The following PEDS1 variants were observed in gnomAD, a reference collection of about 807,000 sequenced individuals.
PEDS1 encodes CarF homolog.
Under a neutral mutation model 35.2 loss-of-function variants are expected in PEDS1, and 14 were observed. That is an observed-to-expected ratio of 0.40 (90% CI 0.26 to 0.62). The LOEUF (loss-of-function observed/expected upper bound fraction) is 0.62. Among genes scored for constraint, PEDS1 ranks in the 20% least tolerant of loss-of-function variants. The pLI is 0.44. For synonymous variants in PEDS1, 152 were observed against 152.0 expected (o/e 1.00, Z 0.00); for missense variants, 260 against 367.8 (o/e 0.71, Z 2.40).
chr20:50,152,461 G>A (rs541697541), intron 1 of PEDS1, among the ~76,000 whole-genome samples: 4 of 152,328 alleles, frequency 2.6e-5, no homozygotes, highest in South Asian at 2.1e-4. Flanking sequence ...TGAACCAGGA[G>A]TTCTCAAAGG....
In PEDS1 at chr20:50,125,125, A is replaced by C; in HGVS notation, c.746T>G (p.Leu249Arg). 1 of 1,614,160 alleles carries C rather than the reference A, an allele frequency of 6.2e-7. No individual in the cohort carries two copies. Among genetic ancestry groups the C allele is most frequent in the Non-Finnish European group, 8.5e-7 (1 of 1,179,996 alleles). ...CTTCTCGCCCGTCAGGCCCTGGATG[A>C]GGTCCTCCAGGCGTCGCCAGAAGCC... Reference protein sequence around the residue: ...KIGFWRRLEDLIQGLTGEKPR... With the variant: ...KIGFWRRLEDRIQGLTGEKPR... The change falls in exon 6 of 6, where the codon CTC becomes CGC. Residue 249 changes from leucine (L) to arginine (R), a missense_variant. Leu to Arg is a moderately radical substitution (Grantham distance 102, BLOSUM62 -2). This residue lies in a region of PEDS1 where 83 missense variants were observed against 142.8 expected (regional missense o/e 0.58). Coordinates refer to ENST00000371652, the MANE Select transcript of PEDS1 (RefSeq NM_199129.4).
intron 2 of PEDS1, among the ~76,000 whole-genome samples, chr20:50,137,469 C>T (rs2081248726): frequency 6.6e-6 from 1 of 152,198 alleles, no homozygotes; most frequent in South Asian, 2.1e-4. Flanking sequence ...CACTTCACCT[C>T]TGAACTCTTC....
rs778388369 is a variant in PEDS1, at chr20:50,129,525, A to AC, written c.478+20dup. 2 of 1,613,742 alleles carry AC rather than the reference A, an allele frequency of 1.2e-6. No individual in the cohort carries two copies. Among genetic ancestry groups the AC allele is most frequent in the Non-Finnish European group, 1.7e-6 (2 of 1,179,798 alleles). ...TGCCCCCAAGGCCCCCTCCCAGCCC[A>AC]CCACTAGCTGGGTGTCTCACCAGGG... is the stretch of plus-strand genomic sequence containing the variant. On this transcript the variant is annotated intron_variant, in intron 4 of 5. Transcript: ENST00000371652. This position sits in a 1 kb window ranked among gnomAD's most constrained non-coding sequence, Gnocchi z 4.2.
At chr20:50,151,818 C>T (rs1288875322) in intron 1 of PEDS1, among the ~76,000 whole-genome samples, 2 of 152,126 alleles carry the variant, frequency 1.3e-5, no homozygotes, top group Non-Finnish European at 2.9e-5. Flanking sequence ...GAGATCACGC[C>T]ACTGCACTCC....
At chr20:50,127,040 AAC>A (rs1207922257) in intron 5 of PEDS1, among the ~76,000 whole-genome samples, 1 of 152,082 alleles carries the variant, frequency 6.6e-6, no homozygotes, top group Non-Finnish European at 1.5e-5. Flanking sequence ...CCATTCCGGA[AAC>A]ACACCAAGCA....
chr20:50,142,611 G>GT (rs1438716285), intron 2 of PEDS1, among the ~76,000 whole-genome samples: 1 of 138,868 alleles, frequency 7.2e-6, no homozygotes, highest in Non-Finnish European at 1.5e-5. Context: ...GCTAATTTTT[G>GT]TATTTTTAGT....
chr20:50,145,070 C>T (rs1230869052), intron 1 of PEDS1, among the ~76,000 whole-genome samples: 4 of 151,496 alleles, frequency 2.6e-5, no homozygotes, highest in Middle Eastern at 6.8e-3. Flanking sequence ...AGGCATGTGG[C>T]GGGTACCTGT....
At chr20:50,150,010 T>C (rs901521985) in intron 1 of PEDS1, among the ~76,000 whole-genome samples, 5 of 152,152 alleles carry the variant, frequency 3.3e-5, no homozygotes, top group Admixed American at 2.0e-4. Context: ...CCAAATAGGT[T>C]CAGTCCCTGT....
intron 1 of PEDS1, among the ~76,000 whole-genome samples, chr20:50,150,635 G>A (rs2081392903): frequency 6.6e-6 from 1 of 152,154 alleles, no homozygotes; most frequent in Non-Finnish European, 1.5e-5. Context: ...GGGCACGTGA[G>A]ACAGTTATTT....
At chr20:50,139,853 G>T (rs895278216) in intron 2 of PEDS1, among the ~76,000 whole-genome samples, 1 of 151,820 alleles carries the variant, frequency 6.6e-6, no homozygotes, top group Admixed American at 6.6e-5. Context: ...GCTGATTTTT[G>T]TATTTTTAGT....
intron 3 of PEDS1, among the ~76,000 whole-genome samples, chr20:50,130,215 A>G (rs1176477666): frequency 6.6e-6 from 1 of 152,188 alleles, no homozygotes; most frequent in Non-Finnish European, 1.5e-5. Flanking sequence ...ATCTGGGCCA[A>G]TGGGAGTGAG....
chr20:50,153,649 C>A lies in PEDS1; in HGVS notation c.-12G>T, dbSNP rs2081430433. The stretch of plus-strand genomic sequence containing the variant: ...TCGGCGCCCGCCATGGCCACTCGCC[C>A]GATCGGCCCGGTGCGCTCTGCTGGC... On this transcript the variant is annotated 5_prime_UTR_variant, in exon 1 of 6. Coordinates refer to ENST00000371652, the MANE Select transcript of PEDS1 (RefSeq NM_199129.4). The A allele has an allele frequency of 7.3e-6, 9 of 1,240,904 alleles. 1 individual carries two copies. In the East Asian group the frequency reaches 2.6e-4, roughly 35 times the overall value. The allele number at this position is 1,240,904 out of a possible 1,614,324, so 76.9% of individuals were successfully genotyped here.
intron 1 of PEDS1, among the ~76,000 whole-genome samples, chr20:50,146,546 T>C (rs1229558696): frequency 2.0e-5 from 3 of 152,014 alleles, no homozygotes; most frequent in Non-Finnish European, 4.4e-5. Flanking sequence ...GGTTCCCCAT[T>C]TGTCATGATA....
chr20:50,149,490 A>C (rs1254465328), intron 1 of PEDS1, among the ~76,000 whole-genome samples: 1 of 152,106 alleles, frequency 6.6e-6, no homozygotes, highest in East Asian at 1.9e-4. Flanking sequence ...CAGGCCCTTC[A>C]CAAACCCTGA....
chr20:50,122,755 T>C lies in PEDS1; in HGVS notation c.*2303A>G, dbSNP rs1320495235. The C allele has an allele frequency of 6.6e-6, 1 of 152,184 alleles. No individual in the cohort carries two copies. The highest frequency in any genetic ancestry group is 2.4e-5 in the African/African-American group (1 of 41,440). The allele number at this position is 152,184 out of a possible 1,614,324, so 9.4% of individuals were successfully genotyped here. ...CTACAGAATCGCAGTACCTAGTTCA[T>C]AGGAGATGCCTTATAATTACTTATT... On this transcript the variant is annotated 3_prime_UTR_variant, in exon 6 of 6. Transcript: ENST00000371652.
rs571766326 is a variant in PEDS1, at chr20:50,131,013, T to C, written c.242-66A>G. On this transcript the variant is annotated intron_variant, in intron 2 of 5. Transcript: ENST00000371652. ...CCCCAATCAGAATCACTCATTCATT[T>C]ACTCACTTGCCCGCTCATTCATTTG... The C allele has an allele frequency of 3.1e-6, 5 of 1,613,394 alleles. No homozygotes were observed. The Admixed American group carries it at 6.7e-5, about 22-fold the overall frequency.
At position 50,147,639 on chromosome 20, in the gene PEDS1, C is replaced by T. The variant is rs538062532; in HGVS notation, c.122-4018G>A. ...AAACCAAAGATGATCCAGCTCTCTC[C>T]CCACGCCATGGAGAACGTCCTCCAA... On this transcript the variant is annotated intron_variant, in intron 1 of 5. Transcript: ENST00000371652. Among the ~76,000 whole-genome samples the T allele has an allele frequency of 1.4e-4, 21 of 152,308 alleles. No individual in the cohort carries two copies. In the East Asian group the frequency reaches 3.9e-3, roughly 28 times the overall value.
chr20:50,130,634 G>A (rs890257717), intron 3 of PEDS1, among the ~76,000 whole-genome samples: 1 of 152,224 alleles, frequency 6.6e-6, no homozygotes, highest in Non-Finnish European at 1.5e-5. Flanking sequence ...TGATGAGGCA[G>A]GCACATATCT....
intron 2 of PEDS1, among the ~76,000 whole-genome samples, chr20:50,136,403 ACCT>A (rs2081234579): frequency 1.3e-5 from 2 of 152,026 alleles, no homozygotes; most frequent in South Asian, 4.1e-4. Flanking sequence ...GTGTACAGAG[ACCT>A]CCTTCCAAAA....
Sources: allele counts gnomAD v4.1 joint callset (sites outside exome capture counted in the v4.1 genomes callset), GRCh38; gene constraint gnomAD v4.1.1; regional missense constraint gnomAD v4.1.1; non-coding constraint Gnocchi (gnomAD v3.1); transcripts MANE v1.5; gene names NCBI Gene and HGNC (gene_info 2026-07-23, HGNC 2026-07-21).